SORCS3: variants seen among roughly 807,000 people sequenced by gnomAD.
The protein encoded by SORCS3 is sortilin related VPS10 domain containing receptor 3.
SORCS3 carries 57 observed loss-of-function variants against 146.3 expected under a neutral mutation model. That is an observed-to-expected ratio of 0.39 (90% confidence interval 0.31 to 0.49). The LOEUF is 0.49. SORCS3 is among the 20% of genes least tolerant of loss of function. The pLI is 0.92. For missense variants in SORCS3, 1,341 were observed against 1,575.5 expected (o/e 0.85, Z 2.52); for synonymous variants, 653 against 618.5 (o/e 1.06, Z -0.83).
At chr10:105,076,772 G>A (rs1017525188) in intron 5 of SORCS3, among the ~76,000 whole-genome samples, 1 of 152,192 alleles carries the variant, frequency 6.6e-6, no homozygotes, top group African/African-American at 2.4e-5. Flanking sequence ...AGTTCCCAGA[G>A]TGCTTACACA....
intron 1 of SORCS3, among the ~76,000 whole-genome samples, chr10:104,788,258 A>G (rs1259174710): frequency 6.6e-6 from 1 of 152,162 alleles, no homozygotes; most frequent in African/African-American, 2.4e-5. Flanking sequence ...GTGGGTTCTG[A>G]GGAGTAGAAA....
At chr10:105,126,703 G>T (rs2055977053) in intron 7 of SORCS3, among the ~76,000 whole-genome samples, 1 of 152,122 alleles carries the variant, frequency 6.6e-6, no homozygotes, top group Middle Eastern at 3.2e-3. Context: ...TGCTAGCTGT[G>T]TGACTTTGCT....
intron 2 of SORCS3, among the ~76,000 whole-genome samples, chr10:104,847,094 G>T (rs565045225): frequency 5.3e-5 from 8 of 152,296 alleles, no homozygotes; most frequent in Admixed American, 3.9e-4. Context: ...TCATTTCCAT[G>T]AGAACTGCAT....
intron 1 of SORCS3, among the ~76,000 whole-genome samples, chr10:104,815,187 C>T (rs941871076): frequency 1.3e-5 from 2 of 152,136 alleles, no homozygotes; most frequent in African/African-American, 4.8e-5. Flanking sequence ...GGGCCAGGTG[C>T]GGTGGCTGAT....
intron 7 of SORCS3, among the ~76,000 whole-genome samples, chr10:105,106,884 T>C (rs17118363): frequency 0.11 from 17,061 of 152,180 alleles, 1,058 homozygotes; most frequent in East Asian, 0.17. Flanking sequence ...ACACATACAT[T>C]GCAAAATACA....
At chr10:104,801,799 C>T (rs540856338) in intron 1 of SORCS3, among the ~76,000 whole-genome samples, 73 of 152,322 alleles carry the variant, frequency 4.8e-4, no homozygotes, top group Non-Finnish European at 8.5e-4. Context: ...TAAACTCTTA[C>T]AGTGTCATTG....
intron 20 of SORCS3, among the ~76,000 whole-genome samples, chr10:105,242,723 CATTTATATATATTTATAT>C (rs1359002077): frequency 2.3e-5 from 2 of 86,870 alleles, no homozygotes; most frequent in African/African-American, 9.8e-5. Flanking sequence ...TATTTATATA[CATTTATATATATTTATAT>C]ATTTATATAT....
intron 5 of SORCS3, among the ~76,000 whole-genome samples, chr10:105,080,913 G>A (rs2055620654): frequency 1.3e-5 from 2 of 152,212 alleles, no homozygotes; most frequent in South Asian, 4.1e-4. Context: ...TTGGGAAAAG[G>A]ACTCCCTGTT....
At chr10:105,142,102 C>G (rs1242397694) in intron 8 of SORCS3, among the ~76,000 whole-genome samples, 1 of 152,136 alleles carries the variant, frequency 6.6e-6, no homozygotes, top group Admixed American at 6.5e-5. Context: ...GCCTTAAACC[C>G]TCACTTTACC....
intron 1 of SORCS3, among the ~76,000 whole-genome samples, chr10:104,818,074 AG>A: frequency 6.6e-6 from 1 of 152,240 alleles, no homozygotes; most frequent in East Asian, 1.9e-4. Context: ...CTATCTACGT[AG>A]GTCTGTATAC....
At chr10:105,144,223 G>A (rs10509783) in intron 8 of SORCS3, among the ~76,000 whole-genome samples, 31,293 of 152,016 alleles carry the variant, frequency 0.21, 3,828 homozygotes, top group Middle Eastern at 0.31. Context: ...TTCCTTGACT[G>A]TTCCATCCTC....
chr10:104,746,293 C>T (rs369153315), intron 1 of SORCS3, among the ~76,000 whole-genome samples: 11 of 152,140 alleles, frequency 7.2e-5, no homozygotes, highest in East Asian at 5.8e-4. Context: ...CCCGCCACTA[C>T]GCCTGGCTAA....
chr10:104,882,027 G>A (rs1254128465), intron 2 of SORCS3, among the ~76,000 whole-genome samples: 2 of 152,192 alleles, frequency 1.3e-5, no homozygotes, highest in African/African-American at 2.4e-5. Context: ...TAGAGGTGAT[G>A]AGCTGCTCAG....
chr10:104,685,162 T>C (rs546102628), intron 1 of SORCS3, among the ~76,000 whole-genome samples: 13 of 152,188 alleles, frequency 8.5e-5, no homozygotes, highest in African/African-American at 3.1e-4. Context: ...AGCTGGAATA[T>C]AGACAAATAA....
chr10:104,925,913 C>CA (rs2019139829), intron 3 of SORCS3, among the ~76,000 whole-genome samples: 1 of 152,086 alleles, frequency 6.6e-6, no homozygotes, highest in South Asian at 2.1e-4. Flanking sequence ...CTTTCCATGG[C>CA]AAAAAATAAA....
chr10:104,861,821 C>T (rs923601551), intron 2 of SORCS3, among the ~76,000 whole-genome samples: 5 of 152,134 alleles, frequency 3.3e-5, no homozygotes, highest in African/African-American at 1.2e-4. Context: ...GAGGCTGAGT[C>T]TGAGATTGAG....
At chr10:105,037,982 C>T (rs1176320301) in intron 4 of SORCS3, among the ~76,000 whole-genome samples, 2 of 152,184 alleles carry the variant, frequency 1.3e-5, no homozygotes, top group Non-Finnish European at 2.9e-5. Flanking sequence ...ATAACGGAAT[C>T]AATAAGGAAA....
chr10:104,690,459 T>A lies in SORCS3; in HGVS notation c.627+48505T>A, dbSNP rs2016098472. On this transcript the variant is annotated intron_variant, in intron 1 of 26. Coordinates refer to ENST00000369701, the MANE Select transcript of SORCS3 (RefSeq NM_014978.3). ...TTACAGATGAGGAGACCAAGGCTCA[T>A]GGAGAAGAAATGCTTTGCCCAAAGT... Among the ~76,000 whole-genome samples, 3 of 152,308 alleles carry A rather than the reference T, an allele frequency of 2.0e-5. No individual in the cohort carries two copies. The South Asian group carries it at 6.2e-4, about 32-fold the overall frequency.
At chr10:105,054,974 C>T (rs1335671650) in intron 5 of SORCS3, among the ~76,000 whole-genome samples, 1 of 152,142 alleles carries the variant, frequency 6.6e-6, no homozygotes, top group Non-Finnish European at 1.5e-5. Flanking sequence ...CCCCATAAAG[C>T]AACTAATTAG....
Sources: allele counts gnomAD v4.1 joint callset (sites outside exome capture counted in the v4.1 genomes callset), GRCh38; gene constraint gnomAD v4.1.1; transcripts MANE v1.5; gene names NCBI Gene and HGNC (gene_info 2026-07-23, HGNC 2026-07-21).